The following CFAP20DC variants were observed in gnomAD, a reference collection of about 807,000 sequenced individuals.
CFAP20DC encodes protein CFAP20DC.
Under a neutral mutation model 101.7 loss-of-function variants are expected in CFAP20DC, and 84 were observed. That is an observed-to-expected ratio of 0.83 (90% CI 0.69 to 0.99). The LOEUF (loss-of-function observed/expected upper bound fraction) is 0.99. Ranked by LOEUF, CFAP20DC falls within the 50% of genes least tolerant of loss-of-function variation. The probability of loss-of-function intolerance (pLI) is 0.00; values close to 1 mark genes in which losing one functional copy is unlikely to be tolerated. For synonymous variants in CFAP20DC, 359 were observed against 351.2 expected (o/e 1.02, Z -0.25); for missense variants, 1,007 against 970.3 (o/e 1.04, Z -0.50).
chr3:58,996,105 A>C (rs773396603), intron 4 of CFAP20DC, among the ~76,000 whole-genome samples: 3 of 151,538 alleles, frequency 2.0e-5, no homozygotes, highest in Non-Finnish European at 4.4e-5. Context: ...ATGAAGCAGA[A>C]AAAAAAAAGT....
At chr3:58,794,885 CTG>C (rs1177395311) in intron 15 of CFAP20DC, among the ~76,000 whole-genome samples, 2 of 152,190 alleles carry the variant, frequency 1.3e-5, no homozygotes, top group Admixed American at 6.5e-5. Flanking sequence ...CTACAATACT[CTG>C]TGAATCATTT....
intron 16 of CFAP20DC, among the ~76,000 whole-genome samples, chr3:58,743,002 C>T (rs950292841): frequency 2.6e-5 from 4 of 152,190 alleles, no homozygotes; most frequent in Admixed American, 6.5e-5. Flanking sequence ...AAACTTGATC[C>T]GCATTCAATC....
intron 4 of CFAP20DC, among the ~76,000 whole-genome samples, chr3:58,960,491 CA>C (rs931283893): frequency 0.014 from 1,352 of 96,468 alleles, 31 homozygotes; most frequent in Admixed American, 0.08. Flanking sequence ...GACTCTGTCT[CA>C]AAAAAAAAAA....
chr3:58,875,932 G>A (rs1006015424), intron 7 of CFAP20DC, among the ~76,000 whole-genome samples: 1 of 152,110 alleles, frequency 6.6e-6, no homozygotes, highest in African/African-American at 2.4e-5. Flanking sequence ...TGGACACCCA[G>A]TGTCTATTAA....
intron 4 of CFAP20DC, among the ~76,000 whole-genome samples, chr3:58,979,715 G>C (rs768779628): frequency 1.3e-5 from 2 of 152,104 alleles, no homozygotes; most frequent in Non-Finnish European, 2.9e-5. Context: ...ACTTGCCAAA[G>C]GATTGCTTGA....
In CFAP20DC at chr3:58,732,728, T is replaced by C. The variant is rs2067668884; in HGVS notation, c.198-15100A>G. Among the ~76,000 whole-genome samples the C allele has an allele frequency of 6.6e-6, 1 of 152,200 alleles. No individual in the cohort carries two copies. Among genetic ancestry groups the C allele is most frequent in the Admixed American group, 6.5e-5 (1 of 15,286 alleles). On this transcript the variant is annotated intron_variant, in intron 3 of 3. Coordinates refer to the CFAP20DC transcript ENST00000486145. This position sits in a 1 kb window ranked among gnomAD's most constrained non-coding sequence, Gnocchi z 5.4. ...CAAAAACAGTTACTCAAAGGAATTGTAAATTTCCCTCCTCTTCTCTATTTT... is the reference window on the plus strand; with the variant it reads ...CAAAAACAGTTACTCAAAGGAATTGCAAATTTCCCTCCTCTTCTCTATTTT...
At chr3:58,730,579 T>G (rs2067626301) in intron 3 of CFAP20DC, among the ~76,000 whole-genome samples, 1 of 152,060 alleles carries the variant, frequency 6.6e-6, no homozygotes, top group African/African-American at 2.4e-5. Flanking sequence ...GGACATGAGA[T>G]AAGAGGAGGA....
chr3:59,004,894 G>C (rs1024703384), intron 4 of CFAP20DC, among the ~76,000 whole-genome samples: 1 of 152,178 alleles, frequency 6.6e-6, no homozygotes, highest in Non-Finnish European at 1.5e-5. Context: ...TTCTAGGCCA[G>C]AGAAAGTACC....
intron 4 of CFAP20DC, among the ~76,000 whole-genome samples, chr3:58,956,187 A>G (rs1465779221): frequency 6.6e-6 from 1 of 151,792 alleles, no homozygotes; most frequent in African/African-American, 2.4e-5. Context: ...TATCTTAGGT[A>G]CCAGGTTGGC....
intron 4 of CFAP20DC, among the ~76,000 whole-genome samples, chr3:59,033,552 G>A (rs574399224): frequency 2.6e-5 from 4 of 152,090 alleles, no homozygotes; most frequent in South Asian, 2.1e-4. Flanking sequence ...TTCGTGAAGC[G>A]TACACAGCTA....
chr3:58,900,185 G>C (rs1559792453), intron 6 of CFAP20DC, among the ~76,000 whole-genome samples: 1 of 152,204 alleles, frequency 6.6e-6, no homozygotes, highest in Non-Finnish European at 1.5e-5. Flanking sequence ...GTGCATTCTA[G>C]GAACTGAGAT....
chr3:59,032,405 G>A (rs1307934531), intron 4 of CFAP20DC, among the ~76,000 whole-genome samples: 1 of 152,132 alleles, frequency 6.6e-6, no homozygotes, highest in Non-Finnish European at 1.5e-5. Flanking sequence ...GTCTAGCTCA[G>A]CAGATCCCAC....
At chr3:58,734,713 C>T (rs1394196694) in intron 3 of CFAP20DC, among the ~76,000 whole-genome samples, 1 of 152,208 alleles carries the variant, frequency 6.6e-6, no homozygotes, top group Non-Finnish European at 1.5e-5. Flanking sequence ...TCCATTCTTC[C>T]TTTCCCTTTC....
chr3:58,929,304 G>C (rs573084137), intron 5 of CFAP20DC, among the ~76,000 whole-genome samples: 1 of 152,248 alleles, frequency 6.6e-6, no homozygotes, highest in South Asian at 2.1e-4. Context: ...CTAGACTTCA[G>C]AGTTAGTTAA....
At chr3:58,843,043 T>C (rs1271644757) in intron 13 of CFAP20DC, among the ~76,000 whole-genome samples, 1 of 152,004 alleles carries the variant, frequency 6.6e-6, no homozygotes, top group Non-Finnish European at 1.5e-5. Context: ...CAAAAGTAGA[T>C]AAAACCACAA....
chr3:58,885,222 C>A (rs991272982), intron 6 of CFAP20DC, among the ~76,000 whole-genome samples: 1 of 152,008 alleles, frequency 6.6e-6, no homozygotes, highest in African/African-American at 2.4e-5. Flanking sequence ...TTACCCTTTA[C>A]CCAGCTTCCT....
At chr3:58,723,655 T>C (rs2067504349) in intron 3 of CFAP20DC, among the ~76,000 whole-genome samples, 7 of 152,242 alleles carry the variant, frequency 4.6e-5, no homozygotes, top group Admixed American at 4.6e-4. Flanking sequence ...CAGGCAGGTC[T>C]CTGCTCCTCA....
chr3:59,035,763 A>G (rs2094089650), intron 4 of CFAP20DC, among the ~76,000 whole-genome samples: 1 of 151,978 alleles, frequency 6.6e-6, no homozygotes, highest in South Asian at 2.1e-4. Flanking sequence ...ATTCTACCAG[A>G]GGTACAAAGA....
At chr3:58,828,265 C>T (rs770910060) in intron 14 of CFAP20DC, among the ~76,000 whole-genome samples, 7 of 152,114 alleles carry the variant, frequency 4.6e-5, no homozygotes, top group African/African-American at 1.4e-4. Flanking sequence ...ATAATAATGA[C>T]AGCTAAACTT....
Sources: allele counts gnomAD v4.1 joint callset (sites outside exome capture counted in the v4.1 genomes callset), GRCh38; gene constraint gnomAD v4.1.1; non-coding constraint Gnocchi (gnomAD v3.1); transcripts MANE v1.5; gene names NCBI Gene and HGNC (gene_info 2026-07-23, HGNC 2026-07-21).